The following PIWIL2 variants were observed in gnomAD, a reference collection of about 807,000 sequenced individuals.
The protein encoded by PIWIL2 is piwi like RNA-mediated gene silencing 2.
In PIWIL2, 81 loss-of-function variants were observed where a neutral mutation model predicts 116.5. The observed-to-expected ratio is 0.70, with a 90% CI of 0.58 to 0.84. PIWIL2 has a LOEUF of 0.84. Among genes scored for constraint, PIWIL2 ranks in the 40% least tolerant of loss-of-function variants. The pLI is 0.00. For missense variants in PIWIL2, 1,272 were observed against 1,212.3 expected (o/e 1.05, Z -0.73); for synonymous variants, 489 against 429.5 (o/e 1.14, Z -1.71).
intron 20 of PIWIL2, among the ~76,000 whole-genome samples, chr8:22,338,742 G>C (rs765024164): frequency 6.6e-6 from 1 of 152,030 alleles, no homozygotes; most frequent in Non-Finnish European, 1.5e-5. Context: ...TTATGCATTA[G>C]CAGAAAACAA....
chr8:22,299,916 T>C (rs1250458947), intron 10 of PIWIL2, among the ~76,000 whole-genome samples: 1 of 152,086 alleles, frequency 6.6e-6, no homozygotes, highest in African/African-American at 2.4e-5. Context: ...GTTCTTGTTC[T>C]TTTTTATTGT....
intron 1 of PIWIL2, among the ~76,000 whole-genome samples, chr8:22,277,907 A>AC (rs527870808): frequency 4.9e-4 from 74 of 152,262 alleles, no homozygotes; most frequent in African/African-American, 1.5e-3. Flanking sequence ...AGTGGCTCAC[A>AC]CCTGTAATCC....
intron 12 of PIWIL2, 41 bp downstream of exon 12, chr8:22,304,909 T>C: frequency 7.5e-7 from 1 of 1,337,774 alleles, no homozygotes; most frequent in South Asian, 1.2e-5. Flanking sequence ...GCTTAAGTTC[T>C]TCATCCTGTC....
intron 14 of PIWIL2, among the ~76,000 whole-genome samples, chr8:22,308,585 GGA>G (rs1831245767): frequency 1.3e-5 from 2 of 152,076 alleles, no homozygotes; most frequent in African/African-American, 4.8e-5. Flanking sequence ...CCCGGGAGGT[GGA>G]GGTTGCAGTG....
rs373814040 is a variant in PIWIL2 at position 22,316,337 on chromosome 8, A to G, written c.2297+4A>G. The G allele has an allele frequency of 6.3e-5, 98 of 1,563,402 alleles. No individual in the cohort carries two copies. The highest frequency in any genetic ancestry group is 8.3e-5 in the Admixed American group (5 of 59,902). On this transcript the variant is annotated splice_donor_region_variant and intron_variant, in intron 19 of 22. Coordinates refer to ENST00000356766, the MANE Select transcript of PIWIL2 (RefSeq NM_018068.5). ...GCTTCGTGGCAAGCATCAATCTGTA[A>G]GTACTGCTCACAGTGCCATCTTGTT...
intron 13 of PIWIL2, among the ~76,000 whole-genome samples, 177 bp downstream of exon 13, chr8:22,306,193 T>C (rs542498944): frequency 6.6e-6 from 1 of 152,336 alleles, no homozygotes; most frequent in East Asian, 1.9e-4. Context: ...TCCATGTCCC[T>C]TCCCACACAC....
At chr8:22,282,074 CTT>C (rs397963368) in intron 4 of PIWIL2, among the ~76,000 whole-genome samples, 6 of 88,808 alleles carry the variant, frequency 6.8e-5, no homozygotes, top group African/African-American at 5.0e-5. Context: ...TGTGCGTGGA[CTT>C]TTTTTTTTTT....
At chr8:22,281,655 G>C in intron 4 of PIWIL2, 140 bp downstream of exon 4, 1 of 672,822 alleles carries the variant, frequency 1.5e-6, no homozygotes, top group Non-Finnish European at 2.3e-6. Context: ...TTTCTCAAGA[G>C]TAGTCAGCAG....
At chr8:22,339,018 A>C (rs1477410416) in intron 20 of PIWIL2, among the ~76,000 whole-genome samples, 2 of 152,234 alleles carry the variant, frequency 1.3e-5, no homozygotes, top group Non-Finnish European at 2.9e-5. Context: ...GAGTCCAAAA[A>C]TAAACCCATG....
chr8:22,319,574 G>A (rs1437998919), intron 20 of PIWIL2, among the ~76,000 whole-genome samples: 1 of 152,170 alleles, frequency 6.6e-6, no homozygotes, highest in Non-Finnish European at 1.5e-5. Context: ...GTTGTGGATG[G>A]CTATGTAGCA....
chr8:22,314,380 A>G lies in PIWIL2; in HGVS notation c.2042A>G (p.Tyr681Cys). 6.3e-7 allele frequency: 1 copy of G among 1,588,224 alleles called. No individual in the cohort carries two copies. Among genetic ancestry groups the G allele is most frequent in the African/African-American group, 1.3e-5 (1 of 74,144 alleles). Reference protein sequence around the residue: ...CIIMGPRDDLYGAIKKLCCVQ... With the variant: ...CIIMGPRDDLCGAIKKLCCVQ... ...ATCATGGGCCCACGTGATGATCTCT[A>G]TGGGGCCATCAAGAAGCTGTGCTGT... The change falls in exon 17 of 23, where the codon TAT becomes TGT. Residue 681 changes from tyrosine (Y) to cysteine (C), a missense_variant. Transcript: ENST00000356766.
chr8:22,283,280 G>A (rs763243615), intron 5 of PIWIL2, 40 bp downstream of exon 5: 25 of 1,497,290 alleles, frequency 1.7e-5, no homozygotes, highest in Admixed American at 8.4e-5. Context: ...AGTAATGATC[G>A]TGAAAACTCT....
intron 10 of PIWIL2, among the ~76,000 whole-genome samples, chr8:22,295,723 A>G (rs68063696): frequency 0.41 from 62,297 of 152,080 alleles, 15,335 homozygotes; most frequent in East Asian, 0.81. Flanking sequence ...TGGAAACCAC[A>G]GAAGAGCATT....
In PIWIL2 at chr8:22,297,815, A is replaced by G. The variant is rs569454825; in HGVS notation, c.1182-6206A>G. On this transcript the variant is annotated intron_variant, in intron 10 of 22. Coordinates refer to ENST00000356766, the MANE Select transcript of PIWIL2 (RefSeq NM_018068.5). ...TTGCTGGTCTAATGGGCCTCCAACC[A>G]TAGGCTCTCAGGAAAGGCCTAAATT... Among the ~76,000 whole-genome samples the G allele has an allele frequency of 2.1e-4, 32 of 152,334 alleles. No individual in the cohort carries two copies. The East Asian group carries it at 2.5e-3, about 12-fold the overall frequency.
chr8:22,291,139 T>C (rs1031615202), intron 10 of PIWIL2, among the ~76,000 whole-genome samples: 6 of 151,662 alleles, frequency 4.0e-5, no homozygotes, highest in Non-Finnish European at 8.8e-5. Context: ...CGGCTAATTT[T>C]TTTTTCTTTT....
chr8:22,332,880 T>G (rs1373758643), intron 20 of PIWIL2, among the ~76,000 whole-genome samples: 3 of 152,118 alleles, frequency 2.0e-5, no homozygotes, highest in Admixed American at 2.0e-4. Context: ...GATAGAAGTT[T>G]AGAAATGGTT....
Position 22,353,099 on chromosome 8 carries a change from G to A in PIWIL2, c.2544G>A (p.Val848=). 1.9e-6 allele frequency: 3 copies of A among 1,614,188 alleles called. No homozygotes were observed. Among genetic ancestry groups the A allele is most frequent in the Non-Finnish European group, 2.5e-6 (3 of 1,180,020 alleles). The change falls in exon 21 of 23, where the codon GTG becomes GTA. Residue 848 remains valine (V), a synonymous_variant. Coordinates refer to ENST00000356766, the MANE Select transcript of PIWIL2 (RefSeq NM_018068.5). Reference sequence around the variant, plus strand: ...TTGAGAATTATCAGCCCAAGATGGTGGTGTTTGTAGTTCAGAAGAAAATCA... The same window carrying A: ...TTGAGAATTATCAGCCCAAGATGGTAGTGTTTGTAGTTCAGAAGAAAATCA... The part of the protein sequence containing the change: ...EAFENYQPKM[V]VFVVQKKIST...
rs1350382156 is a variant in PIWIL2, at chr8:22,279,415, G to A, written c.29G>A (p.Gly10Asp). 7 of 1,614,008 alleles carry A rather than the reference G, an allele frequency of 4.3e-6. No homozygotes were observed. Among genetic ancestry groups the A allele is most frequent in the Admixed American group, 3.3e-5 (2 of 59,988 alleles). Residue 10 changes from glycine to aspartate, a missense_variant, in exon 2 of 23, where the codon GGC becomes GAC. Gly to Asp is a moderately conservative substitution (Grantham distance 94). Transcript: ENST00000356766. ...GATCCTTTCCGACCATCGTTCAGGG[G>A]CCAGTCTCCTATCCACCCATCCCAG... Reference protein sequence around the residue: MDPFRPSFRGQSPIHPSQCQ... With the variant: MDPFRPSFRDQSPIHPSQCQ...
In PIWIL2 at chr8:22,305,826, A is replaced by G. The variant is rs948921481; in HGVS notation, c.1456-101A>G. On this transcript the variant is annotated intron_variant, in intron 12 of 22. Coordinates refer to ENST00000356766, the MANE Select transcript of PIWIL2 (RefSeq NM_018068.5). ...TTTTATACTCCTTAGTGCGCAAGGTATATCACTGCAGGAGCAGCCCTGGCC... is the reference window on the plus strand; with the variant it reads ...TTTTATACTCCTTAGTGCGCAAGGTGTATCACTGCAGGAGCAGCCCTGGCC... 1.1e-5 allele frequency: 9 copies of G among 789,590 alleles called. No individual in the cohort carries two copies. The African/African-American group carries it at 1.2e-4, about 11-fold the overall frequency. The allele number at this position is 789,590 out of a possible 1,614,324, so 48.9% of individuals were successfully genotyped here. A position where few individuals can be genotyped will look rare whatever the true frequency, so the allele number is the denominator to read the frequency against.
Sources: gnomAD v4.1 joint callset for allele counts (sites outside exome capture counted in the v4.1 genomes callset) on GRCh38, gnomAD v4.1.1 for gene constraint, MANE v1.5 for transcripts, NCBI Gene and HGNC (gene_info 2026-07-23, HGNC 2026-07-21) for gene names.